The following PRKD1 variants were observed in gnomAD, a reference collection of about 807,000 sequenced individuals.
PRKD1 encodes the protein protein kinase D1.
PRKD1 carries 63 observed loss-of-function variants against 95.9 expected under a neutral mutation model. That is an observed-to-expected ratio of 0.66 (90% CI 0.54 to 0.81). The LOEUF (loss-of-function observed/expected upper bound fraction) is 0.81. PRKD1 is among the 30% of genes least tolerant of loss of function. The pLI, the probability that PRKD1 is intolerant of heterozygous loss-of-function variation, is 0.00. For synonymous variants in PRKD1, 425 were observed against 423.1 expected (o/e 1.00, Z -0.05); for missense variants, 1,048 against 1,165.3 (o/e 0.90, Z 1.47).
intron 4 of PRKD1, among the ~76,000 whole-genome samples, 197 bp from the exon 5 acceptor site, chr14:29,639,101 T>C (rs1042535105): frequency 8.6e-5 from 13 of 150,952 alleles, no homozygotes; most frequent in Admixed American, 6.6e-4. Flanking sequence ...GCTTGTATAA[T>C]CTTAAAAAAA....
intron 2 of PRKD1, among the ~76,000 whole-genome samples, chr14:29,699,743 A>C (rs1008938214): frequency 2.6e-5 from 4 of 152,274 alleles, no homozygotes; most frequent in African/African-American, 9.6e-5. Flanking sequence ...TTCTAAATAG[A>C]TATCCAATTG....
chr14:29,844,087 T>C (rs1891981270), intron 1 of PRKD1, among the ~76,000 whole-genome samples: 1 of 152,194 alleles, frequency 6.6e-6, no homozygotes, highest in African/African-American at 2.4e-5. Flanking sequence ...CTGGGATAAC[T>C]GTGTGAACCA....
At chr14:29,761,151 C>A (rs1244614206) in intron 1 of PRKD1, among the ~76,000 whole-genome samples, 1 of 152,122 alleles carries the variant, frequency 6.6e-6, no homozygotes, top group Non-Finnish European at 1.5e-5. Flanking sequence ...TTTTAAGCAA[C>A]CAGTATTAAA....
chr14:29,823,671 A>G (rs1261832128), intron 1 of PRKD1, among the ~76,000 whole-genome samples: 2 of 152,234 alleles, frequency 1.3e-5, no homozygotes, highest in Non-Finnish European at 2.9e-5. Flanking sequence ...CCACTTTTGA[A>G]AAGCTCTTAA....
intron 1 of PRKD1, among the ~76,000 whole-genome samples, chr14:29,835,394 T>C (rs1891573280): frequency 6.6e-6 from 1 of 152,162 alleles, no homozygotes; most frequent in Non-Finnish European, 1.5e-5. Context: ...CACTTTACCT[T>C]CACAACCATA....
At chr14:29,647,692 AG>A (rs1207402391) in intron 4 of PRKD1, among the ~76,000 whole-genome samples, 1 of 152,232 alleles carries the variant, frequency 6.6e-6, no homozygotes, top group African/African-American at 2.4e-5. Context: ...ACACAGTCCT[AG>A]GCCACAAAGG....
chr14:29,922,728 T>A (rs1402428736), intron 1 of PRKD1, among the ~76,000 whole-genome samples: 1 of 151,214 alleles, frequency 6.6e-6, no homozygotes, highest in Non-Finnish European at 1.5e-5. Flanking sequence ...TATAAAAAAA[T>A]TATAAAAATT....
chr14:29,745,532 A>T (rs981089291), intron 1 of PRKD1, among the ~76,000 whole-genome samples: 3 of 152,142 alleles, frequency 2.0e-5, no homozygotes, highest in African/African-American at 7.2e-5. Context: ...GCAATGGTGC[A>T]ATCATAGCTC....
At chr14:29,758,719 A>C (rs1235002280) in intron 1 of PRKD1, among the ~76,000 whole-genome samples, 2 of 152,214 alleles carry the variant, frequency 1.3e-5, no homozygotes, top group Non-Finnish European at 2.9e-5. Flanking sequence ...GAGATTTCAC[A>C]TAATTGCTGA....
intron 1 of PRKD1, among the ~76,000 whole-genome samples, chr14:29,918,323 G>A (rs551564760): frequency 6.6e-6 from 1 of 152,084 alleles, no homozygotes; most frequent in Non-Finnish European, 1.5e-5. Flanking sequence ...ACGTGAGACA[G>A]GTAATTCAAA....
At chr14:29,858,830 C>T (rs115239200) in intron 1 of PRKD1, among the ~76,000 whole-genome samples, 1,850 of 151,906 alleles carry the variant, frequency 0.012, 40 homozygotes, top group African/African-American at 0.043. Context: ...AAAACAAAAA[C>T]AAAAAACTCT....
chr14:29,668,630 A>G (rs903469050), intron 2 of PRKD1, among the ~76,000 whole-genome samples: 2 of 152,212 alleles, frequency 1.3e-5, no homozygotes, highest in Non-Finnish European at 2.9e-5. Context: ...CAAATGGAGT[A>G]AACTGTTTGG....
chr14:29,641,898 CTTTTTTT>C (rs751584936), intron 4 of PRKD1, among the ~76,000 whole-genome samples: 31 of 116,688 alleles, frequency 2.7e-4, no homozygotes, highest in Non-Finnish European at 4.5e-4. Flanking sequence ...AAAAATATTT[CTTTTTTT>C]TTTTTTTTTT....
chr14:29,629,393 C>T (rs45541231), intron 10 of PRKD1, among the ~76,000 whole-genome samples: 3,163 of 152,250 alleles, frequency 0.021, 108 homozygotes, highest in African/African-American at 0.065. Flanking sequence ...AACTTAACCT[C>T]GCTCGAGAGA....
chr14:29,794,591 C>A (rs1594525368), intron 1 of PRKD1, among the ~76,000 whole-genome samples: 1 of 152,006 alleles, frequency 6.6e-6, no homozygotes, highest in Admixed American at 6.6e-5. Context: ...TATCTGACTT[C>A]TTGATGGAAT....
At chr14:29,826,671 G>A (rs62637670) in intron 1 of PRKD1, among the ~76,000 whole-genome samples, 397 of 17,594 alleles carry the variant, frequency 0.023, 25 homozygotes, top group African/African-American at 0.072. Flanking sequence ...GTGTATATAT[G>A]TGTATATATA....
intron 1 of PRKD1, among the ~76,000 whole-genome samples, chr14:29,771,858 AAT>A (rs1303046969): frequency 6.6e-6 from 1 of 152,238 alleles, no homozygotes; most frequent in African/African-American, 2.4e-5. Context: ...CTTAAGATTT[AAT>A]GTTTGCCCTG....
intron 4 of PRKD1, among the ~76,000 whole-genome samples, chr14:29,656,887 T>G (rs2139193166): frequency 6.6e-6 from 1 of 152,304 alleles, no homozygotes; most frequent in South Asian, 2.1e-4. Context: ...TTAGATTTTC[T>G]TCACAATAAT....
Position 29,747,254 on chromosome 14 carries a change from A to T in PRKD1, c.265-21580T>A, listed in dbSNP as rs140708887. ...TTTTAAAAATAAGGTACCCATTAAC[A>T]GTGCTAGGATGGCTCTAACAATAAT... On this transcript the variant is annotated intron_variant, in intron 1 of 17. Transcript: ENST00000331968. Among the ~76,000 whole-genome samples, 13 of 152,338 alleles carry T rather than the reference A, an allele frequency of 8.5e-5. No individual in the cohort carries two copies. The East Asian group carries it at 2.1e-3, about 25-fold the overall frequency.
Sources: gnomAD v4.1 joint callset for allele counts (sites outside exome capture counted in the v4.1 genomes callset) on GRCh38, gnomAD v4.1.1 for gene constraint, MANE v1.5 for transcripts, NCBI Gene and HGNC (gene_info 2026-07-23, HGNC 2026-07-21) for gene names.